KIF16B: variants seen among roughly 807,000 people sequenced by gnomAD.
The protein encoded by KIF16B is kinesin family member 16B, also known as kinesin-like protein KIF16B.
Under a neutral mutation model 156.3 loss-of-function variants are expected in KIF16B, and 98 were observed. The ratio of observed to expected loss-of-function variants is 0.63; its 90% CI spans 0.53 to 0.74. The LOEUF is 0.74. Among genes scored for constraint, KIF16B ranks in the 30% least tolerant of loss-of-function variants. KIF16B has a pLI of 0.00. For missense variants in KIF16B, 1,421 were observed against 1,606.5 expected, an observed-to-expected ratio of 0.88 and a Z score of 1.97; for synonymous variants, 564 against 583.7, an observed-to-expected ratio of 0.97 and a Z score of 0.49.
chr20:16,331,867 A>C (rs2063953916), intron 24 of KIF16B, among the ~76,000 whole-genome samples: 1 of 152,202 alleles, frequency 6.6e-6, no homozygotes, highest in Non-Finnish European at 1.5e-5. Context: ...GATGGTAATA[A>C]TATAAGCACT....
intron 24 of KIF16B, among the ~76,000 whole-genome samples, chr20:16,331,350 C>A (rs2063945101): frequency 6.6e-6 from 1 of 152,106 alleles, no homozygotes; most frequent in Admixed American, 6.5e-5. Context: ...CGGCTAAACT[C>A]CAGATGAAAT....
At chr20:16,500,538 T>C (rs2068590760) in intron 10 of KIF16B, among the ~76,000 whole-genome samples, 1 of 152,210 alleles carries the variant, frequency 6.6e-6, no homozygotes, top group African/African-American at 2.4e-5. Flanking sequence ...CTGTGACAAA[T>C]GTGTGTGGCT....
chr20:16,400,597 G>A (rs2065628592), intron 17 of KIF16B, among the ~76,000 whole-genome samples: 3 of 152,146 alleles, frequency 2.0e-5, no homozygotes, highest in Admixed American at 2.0e-4. Flanking sequence ...TAGCCAAAAG[G>A]TGAAAACAAT....
intron 13 of KIF16B, 118 bp from the exon 14 acceptor site, chr20:16,429,122 G>A: frequency 2.4e-6 from 2 of 844,434 alleles, no homozygotes; most frequent in Non-Finnish European, 4.0e-6. Flanking sequence ...CATCCTGGCA[G>A]GCCACAGCTT....
Position 16,388,105 on chromosome 20 carries a change from C to A in KIF16B, c.1785-6358G>T, listed in dbSNP as rs560033144. The stretch of plus-strand genomic sequence containing the variant: ...AAAATGCCTTTAGTAAATAATGATA[C>A]CTGTTTCCTCAAAAATAAGAGTAAC... On this transcript the variant is annotated intron_variant, in intron 17 of 25. Transcript: ENST00000354981. Among the ~76,000 whole-genome samples, 3 of 152,176 alleles carry A rather than the reference C, an allele frequency of 2.0e-5. No homozygotes were observed. The South Asian group carries it at 6.2e-4, about 32-fold the overall frequency.
intron 24 of KIF16B, among the ~76,000 whole-genome samples, chr20:16,332,612 C>G (rs116636678): frequency 0.011 from 1,719 of 152,246 alleles, 29 homozygotes; most frequent in African/African-American, 0.037. Flanking sequence ...AATTTCCATT[C>G]TTAGCTAACA....
intron 24 of KIF16B, among the ~76,000 whole-genome samples, chr20:16,330,668 T>C (rs2122893876): frequency 6.6e-6 from 1 of 152,336 alleles, no homozygotes; most frequent in Non-Finnish European, 1.5e-5. Flanking sequence ...GAGACAATGT[T>C]GCTCATGCTT....
At chr20:16,299,686 A>C (rs2063443418) in intron 25 of KIF16B, among the ~76,000 whole-genome samples, 1 of 152,156 alleles carries the variant, frequency 6.6e-6, no homozygotes, top group Non-Finnish European at 1.5e-5. Flanking sequence ...AATTCTAATC[A>C]CATTTTGGTA....
intron 1 of KIF16B, among the ~76,000 whole-genome samples, chr20:16,559,532 G>A (rs939382715): frequency 3.3e-5 from 5 of 152,174 alleles, no homozygotes; most frequent in African/African-American, 9.6e-5. Flanking sequence ...TGCTGGGAAG[G>A]CCAACACAGA....
chr20:16,398,721 G>A (rs192579071), intron 17 of KIF16B, among the ~76,000 whole-genome samples: 2 of 152,284 alleles, frequency 1.3e-5, no homozygotes, highest in Non-Finnish European at 2.9e-5. Flanking sequence ...AGTGCTAGGA[G>A]GACAAAGTAC....
intron 19 of KIF16B, among the ~76,000 whole-genome samples, chr20:16,376,283 C>T (rs187401305): frequency 3.2e-4 from 48 of 152,264 alleles, no homozygotes; most frequent in Admixed American, 2.8e-3. Flanking sequence ...TTACCTGATC[C>T]ATGTCAATGG....
At chr20:16,431,913 T>TATACACACACACAC (rs1555883233) in intron 12 of KIF16B, among the ~76,000 whole-genome samples, 1 of 143,762 alleles carries the variant, frequency 7.0e-6, no homozygotes, top group Non-Finnish European at 1.5e-5. Context: ...TGTATACGTA[T>TATACACACACACAC]ACACACACAC....
chr20:16,342,147 C>G (rs1462019313), intron 23 of KIF16B, among the ~76,000 whole-genome samples: 1 of 152,156 alleles, frequency 6.6e-6, no homozygotes, highest in Non-Finnish European at 1.5e-5. Flanking sequence ...GATCCCTTAG[C>G]ATTTGGTTCA....
At chr20:16,571,967 T>A (rs1215683025) in intron 1 of KIF16B, among the ~76,000 whole-genome samples, 1 of 152,218 alleles carries the variant, frequency 6.6e-6, no homozygotes, top group African/African-American at 2.4e-5. Context: ...TTTTCTAGCA[T>A]GTGTTCACCT....
At chr20:16,433,613 TCA>T (rs368183791) in intron 12 of KIF16B, among the ~76,000 whole-genome samples, 11 of 149,222 alleles carry the variant, frequency 7.4e-5, no homozygotes, top group African/African-American at 1.7e-4. Flanking sequence ...ACACACACAC[TCA>T]CACACACACA....
intron 12 of KIF16B, among the ~76,000 whole-genome samples, chr20:16,466,640 G>A (rs1339101805): frequency 3.3e-5 from 5 of 152,220 alleles, no homozygotes; most frequent in Admixed American, 2.0e-4. Flanking sequence ...CCCCAGCCAC[G>A]TGGAACTGTG....
chr20:16,280,161 C>T (rs1225106316), intron 25 of KIF16B, among the ~76,000 whole-genome samples: 1 of 152,140 alleles, frequency 6.6e-6, no homozygotes, highest in East Asian at 1.9e-4. Context: ...TAGGCAGCTT[C>T]TTTTGGGTTT....
rs532890188 is a variant in KIF16B, at chr20:16,487,095, T to C, written c.1302+7196A>G. ...GGTGAAACCCCATCTCTACTAAAAA[T>C]ACAAAAAATTAGCTGGGCGTGGTGG... On this transcript the variant is annotated intron_variant, in intron 12 of 25. Transcript: ENST00000354981. Among the ~76,000 whole-genome samples the C allele has an allele frequency of 1.4e-4, 21 of 151,850 alleles. No individual in the cohort carries two copies. In the South Asian group the frequency reaches 4.4e-3, roughly 32 times the overall value.
intron 5 of KIF16B, 42 bp from the exon 6 acceptor site, chr20:16,511,569 A>G: frequency 1.5e-6 from 2 of 1,290,562 alleles, no homozygotes; most frequent in Non-Finnish European, 2.2e-6. Context: ...AAATGATTTC[A>G]GACATTAATA....
Sources: allele counts gnomAD v4.1 joint callset (sites outside exome capture counted in the v4.1 genomes callset), GRCh38; gene constraint gnomAD v4.1.1; transcripts MANE v1.5; gene names NCBI Gene and HGNC (gene_info 2026-07-23, HGNC 2026-07-21).